GOPC: variants seen among roughly 807,000 people sequenced by gnomAD.
GOPC encodes Golgi-associated PDZ and coiled-coil motif-containing protein.
GOPC carries 32 observed loss-of-function variants against 51.2 expected under a neutral mutation model. The ratio of observed to expected loss-of-function variants is 0.63; its 90% CI spans 0.47 to 0.84. The LOEUF (loss-of-function observed/expected upper bound fraction) is 0.84, where lower values mean the gene tolerates loss of function less well. Among genes scored for constraint, GOPC ranks in the 40% least tolerant of loss-of-function variants. The probability of loss-of-function intolerance (pLI) is 0.00; values close to 1 mark genes in which losing one functional copy is unlikely to be tolerated. For missense variants in GOPC, 441 were observed against 555.5 expected, an observed-to-expected ratio of 0.79 and a Z score of 2.07; for synonymous variants, 190 against 205.1, an observed-to-expected ratio of 0.93 and a Z score of 0.63.
At chr6:117,601,070 C>G (rs1162474460) in intron 1 of GOPC, among the ~76,000 whole-genome samples, 1 of 152,144 alleles carries the variant, frequency 6.6e-6, no homozygotes, top group African/African-American at 2.4e-5. Context: ...AAAGCATGTT[C>G]AGAGTTTTGC....
chr6:117,576,861 C>T (rs1272346267), intron 3 of GOPC, among the ~76,000 whole-genome samples: 1 of 151,994 alleles, frequency 6.6e-6, no homozygotes, highest in East Asian at 1.9e-4. Context: ...ATTATATCTT[C>T]AAAAGAGGTA....
chr6:117,581,999 T>C (rs934648451), intron 1 of GOPC, among the ~76,000 whole-genome samples: 4 of 152,192 alleles, frequency 2.6e-5, no homozygotes, highest in African/African-American at 4.8e-5. Context: ...ATCATATCCT[T>C]GCCTTCACTT....
chr6:117,595,981 T>A (rs1352222601), intron 1 of GOPC, among the ~76,000 whole-genome samples: 1 of 152,200 alleles, frequency 6.6e-6, no homozygotes, highest in African/African-American at 2.4e-5. Flanking sequence ...TCCACACTGT[T>A]TTTCATAGTG....
At chr6:117,569,083 A>G (rs1171873351) in intron 7 of GOPC, among the ~76,000 whole-genome samples, 2 of 152,184 alleles carry the variant, frequency 1.3e-5, no homozygotes, top group African/African-American at 4.8e-5. Flanking sequence ...AAATCCTTTC[A>G]TCGCTAAGAA....
chr6:117,563,472 A>T (rs1276222100), intron 8 of GOPC, 88 bp from the exon 9 acceptor site: 1 of 1,323,012 alleles, frequency 7.6e-7, no homozygotes, highest in Middle Eastern at 2.0e-4. Flanking sequence ...CTGTAATCCC[A>T]GCACTTTGAG....
chr6:117,592,931 A>C (rs75754148), intron 1 of GOPC, among the ~76,000 whole-genome samples: 2,385 of 152,152 alleles, frequency 0.016, 49 homozygotes, highest in African/African-American at 0.055. Flanking sequence ...CCCCATTACC[A>C]CTTTCACTTC....
chr6:117,599,312 T>C (rs764938795), intron 1 of GOPC, among the ~76,000 whole-genome samples: 5 of 152,148 alleles, frequency 3.3e-5, no homozygotes, highest in East Asian at 1.9e-4. Flanking sequence ...ATTAAAACAA[T>C]AGAACAAATT....
At chr6:117,578,669 T>C (rs963039147) in intron 2 of GOPC, among the ~76,000 whole-genome samples, 1 of 152,108 alleles carries the variant, frequency 6.6e-6, no homozygotes, top group Non-Finnish European at 1.5e-5. Context: ...AACATATTTA[T>C]ACATATATTT....
In GOPC at chr6:117,560,428, G is replaced by T; in HGVS notation, c.*2826C>A. ...GCAATAGATTTGAGGCCAACCATAA[G>T]TGTAAGACTGGATAGATGGAATAGG... On this transcript the variant is annotated 3_prime_UTR_variant, in exon 9 of 9. Transcript: ENST00000368498. 5.3e-6 allele frequency: 1 copy of T among 189,418 alleles called. No homozygotes were observed. The highest frequency in any genetic ancestry group is 1.1e-5 in the Non-Finnish European group (1 of 89,924). The allele number at this position is 189,418 out of a possible 1,614,324, so 11.7% of individuals were successfully genotyped here.
rs752384664 is a variant in GOPC at position 117,566,944 on chromosome 6, G to C, written c.1168C>G (p.Arg390Gly). The C allele has an allele frequency of 6.2e-7, 1 of 1,611,596 alleles. No individual in the cohort carries two copies. Among genetic ancestry groups the C allele is most frequent in the East Asian group, 2.2e-5 (1 of 44,732 alleles). The change falls in exon 8 of 9, where the codon CGT (arginine) becomes GGT (glycine). Residue 390 changes from arginine to glycine, a missense_variant. Physicochemically the swap from Arg to Gly is moderately radical, Grantham distance 125. Coordinates refer to ENST00000368498, the MANE Select transcript of GOPC (RefSeq NM_020399.4). ...NVEYEDESGH[R>G]YRLYLDELEG... ...AACTCATCAAGGTACAAACGGTAAC[G>C]ATGTCCACTCTCATCTTCATACTCT...
intron 1 of GOPC, among the ~76,000 whole-genome samples, chr6:117,589,192 G>A (rs9320611): frequency 2.6e-5 from 4 of 152,136 alleles, no homozygotes; most frequent in Non-Finnish European, 5.9e-5. Context: ...TAGAGTAAGA[G>A]GAAAGAATGG....
chr6:117,574,252 C>T (rs1436297143), intron 4 of GOPC, among the ~76,000 whole-genome samples: 2 of 141,092 alleles, frequency 1.4e-5, no homozygotes, highest in East Asian at 2.0e-4. Context: ...CCCCATCTCA[C>T]AAAATTTAAA....
intron 1 of GOPC, among the ~76,000 whole-genome samples, chr6:117,599,459 A>G (rs1229674462): frequency 6.6e-6 from 1 of 152,236 alleles, no homozygotes. Flanking sequence ...ACTGCTGACA[A>G]TGAACTTCTT....
intron 7 of GOPC, among the ~76,000 whole-genome samples, chr6:117,568,149 G>A (rs529311139): frequency 2.0e-5 from 3 of 152,046 alleles, no homozygotes; most frequent in East Asian, 1.9e-4. Context: ...GCAGTGGTCC[G>A]TAATTGTGCC....
At chr6:117,589,041 G>A (rs1357784350) in intron 1 of GOPC, among the ~76,000 whole-genome samples, 1 of 152,092 alleles carries the variant, frequency 6.6e-6, no homozygotes, top group Non-Finnish European at 1.5e-5. Context: ...ATAGCTGTGA[G>A]CTAAAATTAA....
In GOPC at chr6:117,566,866, T is replaced by C. The variant is rs749124507; in HGVS notation, c.1246A>G (p.Lys416Glu). 3.2e-6 allele frequency: 5 copies of C among 1,570,456 alleles called. No homozygotes were observed. Among genetic ancestry groups the C allele is most frequent in the Non-Finnish European group, 2.6e-6 (3 of 1,162,956 alleles). The change falls in exon 8 of 9, where the codon AAA (lysine) becomes GAA (glutamate). Residue 416 changes from lysine to glutamate, a missense_variant. Lys to Glu is a moderately conservative substitution (Grantham distance 56, BLOSUM62 1). Around this residue, in one of 3 missense-constraint regions of GOPC, gnomAD observed 71 missense variants for 68.8 expected, o/e 1.03. Coordinates refer to ENST00000368498, the MANE Select transcript of GOPC (RefSeq NM_020399.4). ...GAGTGATTTTTACCTTGTAATACTT[T>C]GATTTCCCCACTTGTGTCTTTGCAA... Reference protein sequence around the residue: ...ASCKDTSGEIKVLQGFNKKAV... With the variant: ...ASCKDTSGEIEVLQGFNKKAV...
At chr6:117,599,130 T>C (rs1369777792) in intron 1 of GOPC, among the ~76,000 whole-genome samples, 1 of 152,144 alleles carries the variant, frequency 6.6e-6, no homozygotes, top group Non-Finnish European at 1.5e-5. Flanking sequence ...AATATAGTGT[T>C]TAATGTTAAC....
At chr6:117,594,782 A>G (rs1176339431) in intron 1 of GOPC, among the ~76,000 whole-genome samples, 2 of 152,228 alleles carry the variant, frequency 1.3e-5, no homozygotes, top group Non-Finnish European at 2.9e-5. Context: ...AGAGATACTA[A>G]CAGAGCAATT....
In GOPC at chr6:117,561,604, G is replaced by A; in HGVS notation, c.*1650C>T. 1 of 206,714 alleles carries A rather than the reference G, an allele frequency of 4.8e-6. No homozygotes were observed. Among genetic ancestry groups the A allele is most frequent in the East Asian group, 7.4e-5 (1 of 13,512 alleles). 12.8% of individuals were successfully genotyped at this position (206,714 alleles called of 1,614,324 possible). On this transcript the variant is annotated 3_prime_UTR_variant, in exon 9 of 9. Transcript: ENST00000368498. ...CAAGTTGTTTTTTTTCTTTTAAGAG[G>A]CCTACCCTGTCAAGAGCAAACAATA...
Sources: gnomAD v4.1 joint callset for allele counts (sites outside exome capture counted in the v4.1 genomes callset) on GRCh38, gnomAD v4.1.1 for gene constraint, gnomAD v4.1.1 regional missense constraint, MANE v1.5 for transcripts, NCBI Gene and HGNC (gene_info 2026-07-23, HGNC 2026-07-21) for gene names.